Variants in CNBD1 observed in about 807,000 individuals in gnomAD.
CNBD1 encodes cyclic nucleotide-binding domain-containing protein 1.
CNBD1 carries 71 observed loss-of-function variants against 54.4 expected under a neutral mutation model. The observed-to-expected ratio is 1.30, with a 90% CI of 1.08 to 1.59. The LOEUF is 1.59. CNBD1 is among the 40% of genes most tolerant of loss of function. The probability of loss-of-function intolerance (pLI) is 0.00; values close to 1 mark genes in which losing one functional copy is unlikely to be tolerated. For synonymous variants in CNBD1, 182 were observed against 170.7 expected (o/e 1.07, Z -0.51); for missense variants, 659 against 518.0 (o/e 1.27, Z -2.64).
At chr8:87,381,250 A>T (rs1370117723) in intron 10 of CNBD1, among the ~76,000 whole-genome samples, 1 of 152,116 alleles carries the variant, frequency 6.6e-6, no homozygotes, top group Non-Finnish European at 1.5e-5. Context: ...TCTCTAAAAA[A>T]GACATACAAA....
rs189501843 is a variant in CNBD1, at chr8:87,011,593, A to T, written c.431+71839A>T. Reference sequence around the variant, plus strand: ...AAGTACTTATTAAAATCTTCATCTAAAAATGTTGTAAAAAAATCTTTATAA... The same window carrying T: ...AAGTACTTATTAAAATCTTCATCTATAAATGTTGTAAAAAAATCTTTATAA... On this transcript the variant is annotated intron_variant, in intron 4 of 10. Coordinates refer to ENST00000518476, the MANE Select transcript of CNBD1 (RefSeq NM_173538.3). 1.3e-3 allele frequency among the ~76,000 whole-genome samples: 196 copies of T among 150,048 alleles called. 1 individual carries two copies. The highest frequency in any genetic ancestry group is 6.8e-3 in the Middle Eastern group (2 of 294).
chr8:87,338,180 A>G (rs2130916412), intron 8 of CNBD1, among the ~76,000 whole-genome samples: 1 of 152,310 alleles, frequency 6.6e-6, no homozygotes, highest in East Asian at 1.9e-4. Context: ...GTAACGTTAT[A>G]AGAATGAAAT....
chr8:87,079,436 C>G (rs1352427504), intron 4 of CNBD1, among the ~76,000 whole-genome samples: 1 of 152,024 alleles, frequency 6.6e-6, no homozygotes, highest in African/African-American at 2.4e-5. Flanking sequence ...TTTCCATTAT[C>G]AGTATATGAG....
intron 10 of CNBD1, among the ~76,000 whole-genome samples, chr8:87,374,465 T>A (rs1314584380): frequency 6.6e-6 from 1 of 151,878 alleles, no homozygotes; most frequent in East Asian, 1.9e-4. Context: ...TATAACAGAC[T>A]ATTACTGAGG....
chr8:87,046,395 G>A (rs943802584), intron 4 of CNBD1, among the ~76,000 whole-genome samples: 3 of 152,138 alleles, frequency 2.0e-5, no homozygotes, highest in Non-Finnish European at 4.4e-5. Context: ...TCTGTGTTTA[G>A]TGTACCTGAG....
chr8:87,138,035 T>A (rs1397046306), intron 4 of CNBD1, among the ~76,000 whole-genome samples: 2 of 152,128 alleles, frequency 1.3e-5, no homozygotes, highest in Non-Finnish European at 2.9e-5. Flanking sequence ...AAATATCTAA[T>A]TCGGATTATT....
At chr8:87,411,310 T>G (rs1192990362) in intron 2 of CNBD1, among the ~76,000 whole-genome samples, 1 of 149,976 alleles carries the variant, frequency 6.7e-6, no homozygotes, top group Non-Finnish European at 1.5e-5. Context: ...ACCCTATGTT[T>G]AACTTGTGAT....
At chr8:86,949,890 T>C (rs1807560750) in intron 4 of CNBD1, among the ~76,000 whole-genome samples, 1 of 151,372 alleles carries the variant, frequency 6.6e-6, no homozygotes, top group Admixed American at 6.6e-5. Flanking sequence ...GTATTCCTTT[T>C]ATACCCAGTT....
chr8:87,164,985 A>T (rs1812931823), intron 4 of CNBD1, among the ~76,000 whole-genome samples: 1 of 151,056 alleles, frequency 6.6e-6, no homozygotes, highest in Admixed American at 6.6e-5. Context: ...TTCCATTTTC[A>T]TAAGTCACAA....
chr8:87,357,753 A>T (rs1399766942), intron 10 of CNBD1, among the ~76,000 whole-genome samples: 1 of 152,134 alleles, frequency 6.6e-6, no homozygotes, highest in Non-Finnish European at 1.5e-5. Context: ...TATATATTGC[A>T]ATGTGAGAAG....
At chr8:87,110,812 G>C (rs1425750740) in intron 4 of CNBD1, among the ~76,000 whole-genome samples, 3 of 152,240 alleles carry the variant, frequency 2.0e-5, no homozygotes, top group Non-Finnish European at 4.4e-5. Flanking sequence ...CACCACATGT[G>C]AATGTAAACT....
At position 87,182,632 on chromosome 8, in the gene CNBD1, C is replaced by T. The variant is rs1169612873; in HGVS notation, c.432-23361C>T. Among the ~76,000 whole-genome samples the T allele has an allele frequency of 2.6e-5, 4 of 151,710 alleles. No individual in the cohort carries two copies. Among genetic ancestry groups the T allele is most frequent in the Non-Finnish European group, 4.4e-5 (3 of 67,962 alleles). ...CTCATCGTGGTTTTGATTTGCATTT[C>T]TCTAATAGCTGGTGATGTTGAGCAT... On this transcript the variant is annotated intron_variant, in intron 4 of 10. Transcript: ENST00000518476. This position sits in a 1 kb window ranked among gnomAD's most constrained non-coding sequence, Gnocchi z 4.1.
intron 6 of CNBD1, among the ~76,000 whole-genome samples, chr8:87,271,062 AGTT>A (rs1808353039): frequency 6.6e-6 from 1 of 151,694 alleles, no homozygotes; most frequent in Non-Finnish European, 1.5e-5. Context: ...GTCGTTGTAT[AGTT>A]GTTTGTAATT....
At chr8:87,130,679 AG>A (rs1349861968) in intron 4 of CNBD1, among the ~76,000 whole-genome samples, 1 of 151,282 alleles carries the variant, frequency 6.6e-6, no homozygotes. Flanking sequence ...CGGGAGGCTG[AG>A]GTGGGAGGAT....
At chr8:87,249,067 C>G (rs564011870) in intron 6 of CNBD1, among the ~76,000 whole-genome samples, 1 of 152,136 alleles carries the variant, frequency 6.6e-6, no homozygotes, top group Non-Finnish European at 1.5e-5. Flanking sequence ...AGTCTGCAAG[C>G]AATTGATTTA....
intron 4 of CNBD1, among the ~76,000 whole-genome samples, chr8:87,048,536 C>A (rs960918074): frequency 1.3e-5 from 2 of 152,002 alleles, no homozygotes; most frequent in Admixed American, 1.3e-4. Context: ...ATTATATGCC[C>A]AGTGCTTTTG....
At chr8:87,236,624 C>G (rs1442353045) in intron 5 of CNBD1, among the ~76,000 whole-genome samples, 3 of 152,052 alleles carry the variant, frequency 2.0e-5, no homozygotes, top group Non-Finnish European at 4.4e-5. Flanking sequence ...TGTCTCAAAT[C>G]TATTAATAAT....
At chr8:87,238,381 G>A (rs1807623879) in intron 6 of CNBD1, among the ~76,000 whole-genome samples, 1 of 152,042 alleles carries the variant, frequency 6.6e-6, no homozygotes, top group Non-Finnish European at 1.5e-5. Flanking sequence ...CATGGGGTAG[G>A]CTTATGGACC....
chr8:87,352,423 T>C (rs902982696), intron 9 of CNBD1, among the ~76,000 whole-genome samples: 1 of 138,994 alleles, frequency 7.2e-6, no homozygotes, highest in Admixed American at 7.8e-5. Flanking sequence ...GAGGTTGCAG[T>C]GAGCCAAGAT....
Sources: allele counts gnomAD v4.1 joint callset (sites outside exome capture counted in the v4.1 genomes callset), GRCh38; gene constraint gnomAD v4.1.1; non-coding constraint Gnocchi (gnomAD v3.1); transcripts MANE v1.5; gene names NCBI Gene and HGNC (gene_info 2026-07-23, HGNC 2026-07-21).